DYRK3: variants seen among roughly 807,000 people sequenced by gnomAD.
The protein encoded by DYRK3 is dual specificity tyrosine-phosphorylation-regulated kinase 3.
DYRK3 carries 30 observed loss-of-function variants against 40.8 expected under a neutral mutation model. The ratio of observed to expected loss-of-function variants is 0.74; its 90% CI spans 0.55 to 1.00. The LOEUF is 1.00. Among genes scored for constraint, DYRK3 ranks in the 50% least tolerant of loss-of-function variants. The pLI is 0.00. For synonymous variants in DYRK3, 272 were observed against 260.7 expected, an observed-to-expected ratio of 1.04 and a Z score of -0.42; for missense variants, 699 against 731.5, an observed-to-expected ratio of 0.96 and a Z score of 0.51.
rs370875964 is a variant in DYRK3, at chr1:206,647,802, C to A, written c.604C>A (p.Arg202=). Residue 202 remains arginine (R), a synonymous_variant, in exon 3 of 3, where the codon CGA becomes AGA. Transcript: ENST00000367109. ...DADGAYIHVP[R]DHLAYRYEVL... ...AGATGGGGCCTATATTCATGTACCT[C>A]GAGACCATCTAGCTTATCGATATGA... 3 of 1,614,042 alleles carry A rather than the reference C, an allele frequency of 1.9e-6. No individual in the cohort carries two copies. In the East Asian group the frequency reaches 6.7e-5, roughly 36 times the overall value.
rs782007082 is a variant in DYRK3, at chr1:206,650,556, A to G, written c.*1591A>G. Among the ~76,000 whole-genome samples the G allele has an allele frequency of 7.9e-5, 12 of 152,220 alleles. No homozygotes were observed. Among genetic ancestry groups the G allele is most frequent in the Non-Finnish European group, 1.6e-4 (11 of 68,038 alleles). On this transcript the variant is annotated 3_prime_UTR_variant, in exon 3 of 3. Coordinates refer to ENST00000367109, the MANE Select transcript of DYRK3 (RefSeq NM_003582.4). ...GACTCTGTCTAAAAAACAAACCAAAAAAAGTGTGTTCTTTAAAGTAGAATA... is the reference window on the plus strand; with the variant it reads ...GACTCTGTCTAAAAAACAAACCAAAGAAAGTGTGTTCTTTAAAGTAGAATA...
Position 206,635,751 on chromosome 1 carries a change from T to A in DYRK3, c.48T>A (p.Pro16=), listed in dbSNP as rs1553418190. 4 of 1,244,774 alleles carry A rather than the reference T, an allele frequency of 3.2e-6. No individual in the cohort carries two copies. Among genetic ancestry groups the A allele is most frequent in the East Asian group, 6.3e-5 (2 of 31,722 alleles). The allele number at this position is 1,244,774 out of a possible 1,614,324, so 77.1% of individuals were successfully genotyped here. Residue 16 remains proline (P), a synonymous_variant, in exon 1 of 3, where the codon CCT becomes CCA. Coordinates refer to ENST00000367109, the MANE Select transcript of DYRK3 (RefSeq NM_003582.4). ...CTGGGCGGAAGGATGCGGGGCCGCC[T>A]GGGGCCGGGCTCCCGCCCCAGCAGC... ...RGPGRKDAGP[P]GAGLPPQQRR... is the part of the protein sequence containing the mutation.
chr1:206,642,289 G>A (rs7526006), intron 2 of DYRK3, among the ~76,000 whole-genome samples: 1 of 150,390 alleles, frequency 6.6e-6, no homozygotes, highest in Non-Finnish European at 1.5e-5. Context: ...ACAGGTGCTG[G>A]AGAGGATGTG....
intron 2 of DYRK3, among the ~76,000 whole-genome samples, chr1:206,639,443 TG>T (rs1553418939): frequency 2.0e-5 from 3 of 151,482 alleles, no homozygotes; most frequent in Non-Finnish European, 2.9e-5. Context: ...TGTTAACATC[TG>T]ACTTTAAGTC....
chr1:206,648,622 G>T lies in DYRK3; in HGVS notation c.1424G>T (p.Arg475Leu). Residue 475 changes from arginine to leucine, a missense_variant, in exon 3 of 3, where the codon CGG (arginine) becomes CTG (leucine). Physicochemically the swap from Arg to Leu is moderately radical, Grantham distance 102. Transcript: ENST00000367109. ...VGGRSRRGKKRGPPGSKDWGT... is the reference protein window; with the variant it reads ...VGGRSRRGKKLGPPGSKDWGT... ...GGTCGCTCACGTAGGGGTAAAAAGC[G>T]GGGTCCCCCAGGCAGCAAAGACTGG... 6.2e-7 allele frequency: 1 copy of T among 1,613,660 alleles called. No homozygotes were observed. The highest frequency in any genetic ancestry group is 8.5e-7 in the Non-Finnish European group (1 of 1,179,710).
chr1:206,637,084 A>T, intron 1 of DYRK3: 1 of 757,488 alleles, frequency 1.3e-6, no homozygotes, highest in Non-Finnish European at 2.2e-6. Flanking sequence ...ATGAATAAAG[A>T]GAAGACAGCC....
rs1281186322 is a variant in DYRK3 at position 206,654,821 on chromosome 1, C to G, written c.*5856C>G. 1.3e-5 allele frequency among the ~76,000 whole-genome samples: 2 copies of G among 152,138 alleles called. No homozygotes were observed. Among genetic ancestry groups the G allele is most frequent in the African/African-American group, 4.8e-5 (2 of 41,430 alleles). On this transcript the variant is annotated 3_prime_UTR_variant, in exon 3 of 3. Transcript: ENST00000367109. ...GGGTATGATTCTTAATATAGCCCAC[C>G]CATCGCTAAGTCAAGCCTAGACTCT...
intron 2 of DYRK3, among the ~76,000 whole-genome samples, chr1:206,639,448 T>G (rs577631830): frequency 6.6e-6 from 1 of 150,898 alleles, no homozygotes; most frequent in African/African-American, 2.4e-5. Context: ...ACATCTGACT[T>G]TAAGTCATTT....
At chr1:206,638,563 C>T (rs1162699200) in intron 2 of DYRK3, among the ~76,000 whole-genome samples, 12 of 150,930 alleles carry the variant, frequency 8.0e-5, no homozygotes, top group Non-Finnish European at 1.0e-4. Flanking sequence ...CGTGAGCCAC[C>T]GTGCTTGGCA....
At chr1:206,636,232 G>C in intron 1 of DYRK3, 1 of 421,770 alleles carries the variant, frequency 2.4e-6, no homozygotes, top group Non-Finnish European at 4.7e-6. Flanking sequence ...CAGGTTATGG[G>C]CTATGCTGGG....
chr1:206,649,072 A>G lies in DYRK3; in HGVS notation c.*107A>G, dbSNP rs199536987. On this transcript the variant is annotated 3_prime_UTR_variant, in exon 3 of 3. Transcript: ENST00000367109. ...TTGGTGGATGTTTTTGTTAGAGTAG[A>G]CTTTTTTTAAACAAGACAAAACATT... 12 of 1,233,668 alleles carry G rather than the reference A, an allele frequency of 9.7e-6. No individual in the cohort carries two copies. The highest frequency in any genetic ancestry group is 1.3e-5 in the Non-Finnish European group (12 of 907,024). The allele number at this position is 1,233,668 out of a possible 1,614,324, so 76.4% of individuals were successfully genotyped here.
chr1:206,654,825 C>T lies in DYRK3; in HGVS notation c.*5860C>T, dbSNP rs1309314267. On this transcript the variant is annotated 3_prime_UTR_variant, in exon 3 of 3. Transcript: ENST00000367109. ...ATGATTCTTAATATAGCCCACCCAT[C>T]GCTAAGTCAAGCCTAGACTCTAATA... Among the ~76,000 whole-genome samples the T allele has an allele frequency of 6.6e-6, 1 of 152,206 alleles. No individual in the cohort carries two copies. Among genetic ancestry groups the T allele is most frequent in the Non-Finnish European group, 1.5e-5 (1 of 68,044 alleles).
At chr1:206,643,742 C>T (rs1671352847) in intron 2 of DYRK3, among the ~76,000 whole-genome samples, 1 of 151,898 alleles carries the variant, frequency 6.6e-6, no homozygotes, top group South Asian at 2.1e-4. Context: ...GAGCAGAAGG[C>T]ATAGTTAGTG....
Position 206,648,773 on chromosome 1 carries a change from T to A in DYRK3, c.1575T>A (p.Ser525=). 6.2e-7 allele frequency: 1 copy of A among 1,614,194 alleles called. No individual in the cohort carries two copies. Among genetic ancestry groups the A allele is most frequent in the South Asian group, 1.1e-5 (1 of 91,084 alleles). ...TAAGACACCCTTGGATTAGCAAGTC[T>A]GTCCCCAGACCTCTCACCACCATAG... ...QALRHPWISK[S]VPRPLTTIDK... is the part of the protein sequence containing the mutation. The change falls in exon 3 of 3, where the codon TCT becomes TCA. Residue 525 remains serine, a synonymous_variant. Transcript: ENST00000367109.
At chr1:206,646,442 G>A in intron 2 of DYRK3, among the ~76,000 whole-genome samples, 1 of 152,094 alleles carries the variant, frequency 6.6e-6, no homozygotes, top group Non-Finnish European at 1.5e-5. Flanking sequence ...TGGAAAACCT[G>A]GTGAAAGGAG....
At chr1:206,636,999 A>C (rs200654097) in intron 1 of DYRK3, 277 of 1,523,452 alleles carry the variant, frequency 1.8e-4, no homozygotes, top group Admixed American at 2.8e-4. Context: ...AATTTAGAGC[A>C]TCCTTTTAGC....
At position 206,647,754 on chromosome 1, in the gene DYRK3, A is replaced by G; in HGVS notation, c.556A>G (p.Asn186Asp). Residue 186 changes from asparagine (N) to aspartate (D), a missense_variant, in exon 3 of 3, where the codon AAT (asparagine) becomes GAT (aspartate). Asn to Asp is a conservative substitution (Grantham distance 23). Transcript: ENST00000367109. ...AAGACATGGAGTTATTGGTGGTCCC[A>G]ATAATGGAGGGTATGATGATGCAGA... Reference protein sequence around the residue: ...KKRHGVIGGPNNGGYDDADGA... With the variant: ...KKRHGVIGGPDNGGYDDADGA... 7 of 1,614,156 alleles carry G rather than the reference A, an allele frequency of 4.3e-6. No homozygotes were observed. The highest frequency in any genetic ancestry group is 1.3e-5 in the African/African-American group (1 of 75,032).
chr1:206,637,903 C>T (rs1342352826), intron 2 of DYRK3, 142 bp downstream of exon 2: 5 of 582,134 alleles, frequency 8.6e-6, no homozygotes, highest in Admixed American at 3.5e-5. Context: ...TTTGGAATAA[C>T]AATGTCTGTG....
intron 2 of DYRK3, among the ~76,000 whole-genome samples, chr1:206,644,923 C>T: frequency 6.6e-6 from 1 of 152,188 alleles, no homozygotes; most frequent in East Asian, 1.9e-4. Context: ...ACTATATGTA[C>T]TTGGGCAATA....
Sources: allele counts gnomAD v4.1 joint callset (sites outside exome capture counted in the v4.1 genomes callset), GRCh38; gene constraint gnomAD v4.1.1; transcripts MANE v1.5; gene names NCBI Gene and HGNC (gene_info 2026-07-23, HGNC 2026-07-21).